HTT-AS: variants seen among roughly 807,000 people sequenced by gnomAD.
HTT-AS encodes HTT antisense RNA.
At chr4:3,068,202 A>G (rs1046953352) in intron 1 of HTT-AS, among the ~76,000 whole-genome samples, 2 of 144,678 alleles carry the variant, frequency 1.4e-5, no homozygotes, top group African/African-American at 5.1e-5. Flanking sequence ...GCTACTCGGG[A>G]GGCTGAGGCA....
At chr4:3,057,778 C>T (rs892587040) in intron 2 of HTT-AS, among the ~76,000 whole-genome samples, 70 of 151,866 alleles carry the variant, frequency 4.6e-4, no homozygotes, top group South Asian at 8.3e-4. Context: ...GGACTATAGG[C>T]GCCCGCCTGT....
intron 1 of HTT-AS, among the ~76,000 whole-genome samples, chr4:3,065,360 C>T (rs1008495575): frequency 6.6e-6 from 1 of 151,980 alleles, no homozygotes; most frequent in East Asian, 1.9e-4. Context: ...CCTGCCTCAG[C>T]CTCCCGAGTA....
chr4:3,066,180 T>C (rs1560531779), intron 1 of HTT-AS, among the ~76,000 whole-genome samples: 1 of 151,384 alleles, frequency 6.6e-6, no homozygotes, highest in East Asian at 1.9e-4. Flanking sequence ...CTAAGCCTCC[T>C]TTTTTTTTGA....
At chr4:3,070,844 CTGTT>C (rs944489245) in intron 1 of HTT-AS, among the ~76,000 whole-genome samples, 13 of 152,160 alleles carry the variant, frequency 8.5e-5, no homozygotes, top group African/African-American at 3.1e-4. Flanking sequence ...ACATGCCTGA[CTGTT>C]TGCATAGGAT....
chr4:3,057,473 A>G (rs1560529719), intron 2 of HTT-AS, among the ~76,000 whole-genome samples: 1 of 152,206 alleles, frequency 6.6e-6, no homozygotes, highest in African/African-American at 2.4e-5. Context: ...TGCTGACCCC[A>G]AGAGAGGGTT....
rs1578469565 is a variant in HTT-AS, at chr4:3,066,528, G to A, written n.114-2828C>T. 3.9e-5 allele frequency among the ~76,000 whole-genome samples: 6 copies of A among 152,210 alleles called. 1 individual carries two copies. In the Middle Eastern group the frequency reaches 0.014, roughly 345 times the overall value. ...GAAATCTAGCGCATGCCAAGTTTAG[G>A]GTCCCAGGCAATTCCTTTCCACTTT... is the stretch of plus-strand genomic sequence containing the variant. On this transcript the variant is annotated intron_variant and non_coding_transcript_variant, in intron 1 of 2. Coordinates refer to ENST00000664062, the Ensembl canonical transcript of HTT-AS.
chr4:3,058,653 C>G (rs1032487509), intron 2 of HTT-AS, among the ~76,000 whole-genome samples: 1 of 152,132 alleles, frequency 6.6e-6, no homozygotes, highest in Non-Finnish European at 1.5e-5. Flanking sequence ...TTTACCCCGC[C>G]CCTATTCAAG....
rs148579359 is a variant in HTT-AS, at chr4:3,069,654, G to A, written n.113+4772C>T. On this transcript the variant is annotated intron_variant and non_coding_transcript_variant, in intron 1 of 2. Coordinates refer to ENST00000664062, the Ensembl canonical transcript of HTT-AS. ...CCCACATAAGAAGCTCCTTACCAGC[G>A]GTGCACCTAGAACCTAAGGAAACAG... 2.8e-4 allele frequency among the ~76,000 whole-genome samples: 42 copies of A among 152,004 alleles called. No individual in the cohort carries two copies. In the East Asian group the frequency reaches 7.5e-3, roughly 27 times the overall value.
At chr4:3,058,206 C>A (rs551657224) in intron 2 of HTT-AS, among the ~76,000 whole-genome samples, 100 of 151,924 alleles carry the variant, frequency 6.6e-4, no homozygotes, top group African/African-American at 1.7e-3. Flanking sequence ...CGTGCCTGTA[C>A]TCCCAGCTAC....
downstream of HTT-AS, among the ~76,000 whole-genome samples, chr4:3,047,562 G>C (rs556808176): frequency 9.8e-5 from 15 of 152,326 alleles, 1 homozygote; most frequent in South Asian, 2.3e-3. Context: ...CTCAGACAGG[G>C]CCACTAGAGG....
chr4:3,058,322 G>C (rs2471334), intron 2 of HTT-AS, among the ~76,000 whole-genome samples: 79,154 of 150,550 alleles, frequency 0.53, 20,868 homozygotes, highest in South Asian at 0.71. Flanking sequence ...ATGAAACTCT[G>C]TCTCAAAAGA....
At chr4:3,058,206 C>G (rs551657224) in intron 2 of HTT-AS, among the ~76,000 whole-genome samples, 12 of 151,804 alleles carry the variant, frequency 7.9e-5, no homozygotes, top group African/African-American at 2.9e-4. Context: ...CGTGCCTGTA[C>G]TCCCAGCTAC....
intron 2 of HTT-AS, among the ~76,000 whole-genome samples, chr4:3,058,650 C>T (rs1001420724): frequency 7.9e-5 from 12 of 152,144 alleles, no homozygotes; most frequent in Non-Finnish European, 1.2e-4. Flanking sequence ...CATTTTACCC[C>T]GCCCCTATTC....
chr4:3,047,978 G>A (rs2110119335), downstream of HTT-AS, among the ~76,000 whole-genome samples: 1 of 152,298 alleles, frequency 6.6e-6, no homozygotes, highest in Middle Eastern at 3.4e-3. Context: ...CACGTGACTT[G>A]CGTGACCTGA....
chr4:3,064,874 G>GAATATT (rs78373442), intron 1 of HTT-AS, among the ~76,000 whole-genome samples: 22,922 of 151,950 alleles, frequency 0.15, 2,784 homozygotes, highest in African/African-American at 0.34. Flanking sequence ...TCTCTTTTAT[G>GAATATT]AATACAAAAC....
intron 2 of HTT-AS, among the ~76,000 whole-genome samples, chr4:3,056,515 G>T (rs1401790078): frequency 2.0e-5 from 3 of 152,168 alleles, no homozygotes; most frequent in African/African-American, 4.8e-5. Flanking sequence ...TATAAGTTAG[G>T]TTGTAGTTCA....
chr4:3,061,672 A>G (rs1035114885), intron 2 of HTT-AS, among the ~76,000 whole-genome samples: 4 of 134,716 alleles, frequency 3.0e-5, no homozygotes, highest in Non-Finnish European at 4.7e-5. Flanking sequence ...ACAAGAGTGA[A>G]ACTCCATCTC....
At chr4:3,050,493 T>G (rs1476846718) in intron 2 of HTT-AS, among the ~76,000 whole-genome samples, 1 of 152,230 alleles carries the variant, frequency 6.6e-6, no homozygotes, top group African/African-American at 2.4e-5. Context: ...ATTCCAAGAC[T>G]GATTTTTAGG....
intron 1 of HTT-AS, chr4:3,074,349 TC>T (rs1190888129): frequency 1.5e-5 from 1 of 68,120 alleles, no homozygotes; most frequent in Non-Finnish European, 3.0e-5. Context: ...TCGCCACGCC[TC>T]CCTTACCATG....
Sources: allele counts gnomAD v4.1 joint callset (sites outside exome capture counted in the v4.1 genomes callset), GRCh38; gene constraint gnomAD v4.1.1; transcripts MANE v1.5; gene names NCBI Gene and HGNC (gene_info 2026-07-23, HGNC 2026-07-21).